CCBE1: variants seen among roughly 807,000 people sequenced by gnomAD.
The protein encoded by CCBE1 is collagen and calcium binding EGF domains 1, also known as collagen and calcium-binding EGF domain-containing protein 1.
In CCBE1, 37 loss-of-function variants were observed where a neutral mutation model predicts 50.0. The observed-to-expected ratio is 0.74, with a 90% CI of 0.57 to 0.97. The LOEUF is 0.97. CCBE1 is among the 50% of genes least tolerant of loss of function. The pLI is 0.00. For missense variants in CCBE1, 538 were observed against 523.8 expected, an observed-to-expected ratio of 1.03 and a Z score of -0.26; for synonymous variants, 234 against 203.7, an observed-to-expected ratio of 1.15 and a Z score of -1.27.
chr18:59,631,416 C>T (rs1009999938), intron 2 of CCBE1, among the ~76,000 whole-genome samples: 5 of 152,180 alleles, frequency 3.3e-5, no homozygotes, highest in Non-Finnish European at 7.4e-5. Flanking sequence ...CTTTCACTTG[C>T]TACCGAGAGT....
chr18:59,465,420 G>GAAAT (rs1305257478), intron 5 of CCBE1: 1 of 151,866 alleles, frequency 6.6e-6, no homozygotes, highest in African/African-American at 2.4e-5. Flanking sequence ...CTCAAATAAG[G>GAAAT]AAATAACCCG....
At chr18:59,536,867 C>T (rs1382095623) in intron 2 of CCBE1, among the ~76,000 whole-genome samples, 2 of 151,814 alleles carry the variant, frequency 1.3e-5, no homozygotes, top group African/African-American at 4.8e-5. Context: ...TGGCATGCAC[C>T]AGTAATCCCA....
chr18:59,499,023 T>C (rs1054386148), intron 2 of CCBE1, among the ~76,000 whole-genome samples: 3 of 152,206 alleles, frequency 2.0e-5, no homozygotes, highest in Non-Finnish European at 4.4e-5. Flanking sequence ...GATTAAACGA[T>C]ATATGTAACC....
chr18:59,452,900 G>T (rs995334107), intron 6 of CCBE1, among the ~76,000 whole-genome samples: 1 of 152,206 alleles, frequency 6.6e-6, no homozygotes, highest in Non-Finnish European at 1.5e-5. Context: ...TTTGGTATAA[G>T]GTAGAACGAT....
chr18:59,479,007 C>T (rs866100134), intron 3 of CCBE1, among the ~76,000 whole-genome samples: 3 of 152,200 alleles, frequency 2.0e-5, no homozygotes, highest in Non-Finnish European at 2.9e-5. Flanking sequence ...ACTGTCCCAA[C>T]CTTCCACAGA....
At chr18:59,565,080 G>A (rs2052800646) in intron 2 of CCBE1, among the ~76,000 whole-genome samples, 1 of 152,232 alleles carries the variant, frequency 6.6e-6, no homozygotes, top group Non-Finnish European at 1.5e-5. Context: ...GTGAGCACAG[G>A]GGAGAACAGA....
intron 2 of CCBE1, among the ~76,000 whole-genome samples, chr18:59,615,220 T>C (rs973759859): frequency 6.6e-6 from 1 of 152,258 alleles, no homozygotes; most frequent in Non-Finnish European, 1.5e-5. Context: ...TCTGATGGTA[T>C]AAACCGCTGG....
chr18:59,643,242 G>A (rs193053522), intron 2 of CCBE1, among the ~76,000 whole-genome samples: 5 of 152,180 alleles, frequency 3.3e-5, no homozygotes. Context: ...TTTTAAATCA[G>A]ACCTTAAATA....
intron 2 of CCBE1, among the ~76,000 whole-genome samples, chr18:59,636,440 G>A (rs1193701581): frequency 6.6e-6 from 1 of 152,164 alleles, no homozygotes; most frequent in Non-Finnish European, 1.5e-5. Context: ...CTAGGCATCT[G>A]GAGATGAGTT....
chr18:59,440,849 G>A (rs535099019), intron 7 of CCBE1, among the ~76,000 whole-genome samples: 3 of 152,302 alleles, frequency 2.0e-5, no homozygotes, highest in Non-Finnish European at 4.4e-5. Context: ...CTAGCATGGA[G>A]TAAGTAATAG....
chr18:59,569,736 G>GC (rs1026812354), intron 2 of CCBE1, among the ~76,000 whole-genome samples: 9 of 152,044 alleles, frequency 5.9e-5, no homozygotes, highest in Admixed American at 3.3e-4. Context: ...CCAGGCTCAA[G>GC]CCATCCTCCC....
chr18:59,589,929 C>G (rs2053238174), intron 2 of CCBE1, among the ~76,000 whole-genome samples: 1 of 151,550 alleles, frequency 6.6e-6, no homozygotes, highest in Non-Finnish European at 1.5e-5. Flanking sequence ...GAAAGAGAAC[C>G]ATAAGATTAT....
chr18:59,597,332 C>T (rs2053366627), intron 2 of CCBE1, among the ~76,000 whole-genome samples: 1 of 152,184 alleles, frequency 6.6e-6, no homozygotes, highest in Non-Finnish European at 1.5e-5. Flanking sequence ...AGGTATTAGT[C>T]AACGTAATGC....
At chr18:59,503,300 A>G (rs1913713447) in intron 2 of CCBE1, among the ~76,000 whole-genome samples, 1 of 152,210 alleles carries the variant, frequency 6.6e-6, no homozygotes, top group South Asian at 2.1e-4. Flanking sequence ...CCATTTACGT[A>G]GTGCATGTTA....
At chr18:59,522,390 G>A (rs1345163601) in intron 2 of CCBE1, among the ~76,000 whole-genome samples, 1 of 152,132 alleles carries the variant, frequency 6.6e-6, no homozygotes, top group Non-Finnish European at 1.5e-5. Context: ...AAACTTCTAA[G>A]TAAAGACCTG....
chr18:59,447,654 A>G (rs1910738539), intron 7 of CCBE1, among the ~76,000 whole-genome samples: 1 of 152,152 alleles, frequency 6.6e-6, no homozygotes, highest in Non-Finnish European at 1.5e-5. Context: ...ATACTGTTCC[A>G]TTTTTGTATA....
At chr18:59,644,963 A>T (rs2054036715) in intron 2 of CCBE1, among the ~76,000 whole-genome samples, 1 of 152,190 alleles carries the variant, frequency 6.6e-6, no homozygotes, top group Non-Finnish European at 1.5e-5. Flanking sequence ...ACCCATCAAA[A>T]CGCTACCCTT....
intron 2 of CCBE1, among the ~76,000 whole-genome samples, chr18:59,514,062 T>C (rs1409197803): frequency 1.3e-5 from 2 of 152,192 alleles, no homozygotes; most frequent in Non-Finnish European, 2.9e-5. Context: ...TCCTTTCCAA[T>C]GAACCCTCAT....
At chr18:59,489,659 T>G (rs916312308) in intron 2 of CCBE1, among the ~76,000 whole-genome samples, 1 of 152,126 alleles carries the variant, frequency 6.6e-6, no homozygotes. Context: ...GTGATCTGTA[T>G]GCCTTGGCTT....
Sources: gnomAD v4.1 joint callset for allele counts (sites outside exome capture counted in the v4.1 genomes callset) on GRCh38, gnomAD v4.1.1 for gene constraint, MANE v1.5 for transcripts, NCBI Gene and HGNC (gene_info 2026-07-23, HGNC 2026-07-21) for gene names.